Variants in SYTL2 observed in about 807,000 individuals in gnomAD.
SYTL2 encodes synaptotagmin-like protein 2.
Under a neutral mutation model 198.7 loss-of-function variants are expected in SYTL2, and 165 were observed. That is an observed-to-expected ratio of 0.83 (90% CI 0.73 to 0.94). The LOEUF is 0.94. SYTL2 is among the 40% of genes least tolerant of loss of function. SYTL2 has a pLI of 0.00. For missense variants in SYTL2, 2,835 were observed against 2,582.8 expected (o/e 1.10, Z -2.12); for synonymous variants, 966 against 917.7 (o/e 1.05, Z -0.95).
chr11:85,774,822 G>C (rs886198736), intron 1 of SYTL2, among the ~76,000 whole-genome samples: 10 of 152,148 alleles, frequency 6.6e-5, no homozygotes, highest in Admixed American at 5.2e-4. Flanking sequence ...ATGATCATTA[G>C]TACTTCATTA....
chr11:85,696,070 T>C (rs1309197662), intron 19 of SYTL2, 113 bp downstream of exon 19: 3 of 797,108 alleles, frequency 3.8e-6, no homozygotes, highest in Non-Finnish European at 6.2e-6. Context: ...TTAAGAGATA[T>C]CTGTTTTCAG....
chr11:85,743,869 T>C lies in SYTL2; in HGVS notation c.389+1768A>G, dbSNP rs1361150204. Among the ~76,000 whole-genome samples the C allele has an allele frequency of 5.9e-5, 9 of 151,998 alleles. No individual in the cohort carries two copies. The East Asian group carries it at 1.7e-3, about 29-fold the overall frequency. On this transcript the variant is annotated intron_variant, in intron 4 of 19. Transcript: ENST00000359152. ...TCTGATGCTCCCAAATCATCTCCTT[T>C]CCCCTTCTGTGGCACCTGCTCCCTC...
intron 4 of SYTL2, among the ~76,000 whole-genome samples, chr11:85,745,165 T>C (rs3862783): frequency 4.7e-4 from 72 of 152,222 alleles, no homozygotes; most frequent in African/African-American, 1.7e-3. Flanking sequence ...TTAAATGTCT[T>C]GCCCATAGTC....
rs781772428 is a variant in SYTL2 at position 85,698,021 on chromosome 11, A to ATACC, written c.6325_6326insGGTA (p.Leu2109ArgfsTer15). On this transcript the variant is annotated frameshift_variant, in exon 18 of 20. Coordinates refer to ENST00000359152, the MANE Select transcript of SYTL2 (RefSeq NM_206927.4). LOFTEE classifies it high-confidence loss of function. ...TAGATGACTTCCCCTTAGCAGTGGT[A>ATACC]GATCAAGGCATTCCTTCACCCAGAT... is the stretch of plus-strand genomic sequence containing the variant. 6.2e-7 allele frequency: 1 copy of ATACC among 1,613,864 alleles called. No individual in the cohort carries two copies. The highest frequency in any genetic ancestry group is 2.2e-5 in the East Asian group (1 of 44,872).
Position 85,744,627 on chromosome 11 carries a change from C to T in SYTL2, c.389+1010G>A, listed in dbSNP as rs183507056. Among the ~76,000 whole-genome samples the T allele has an allele frequency of 2.0e-5, 3 of 152,288 alleles. No homozygotes were observed. In the South Asian group the frequency reaches 6.2e-4, roughly 32 times the overall value. ...TACCTATTGGTACTTATATCATATACCCTCCCTGACACCTATAAACTATGC... is the reference window on the plus strand; with the variant it reads ...TACCTATTGGTACTTATATCATATATCCTCCCTGACACCTATAAACTATGC... On this transcript the variant is annotated intron_variant, in intron 4 of 19. Coordinates refer to ENST00000359152, the MANE Select transcript of SYTL2 (RefSeq NM_206927.4).
rs577210157 is a variant in SYTL2, at chr11:85,712,539, T to G, written c.5626-1307A>C. ...ATACCTAGTTCAACCCTATACCCCA[T>G]GCAAAATGATAGAGCTTAATTCTGG... is the stretch of plus-strand genomic sequence containing the variant. On this transcript the variant is annotated intron_variant, in intron 12 of 19. Coordinates refer to ENST00000359152, the MANE Select transcript of SYTL2 (RefSeq NM_206927.4). Among the ~76,000 whole-genome samples, 26 of 152,194 alleles carry G rather than the reference T, an allele frequency of 1.7e-4. No homozygotes were observed. In the South Asian group the frequency reaches 5.0e-3, roughly 29 times the overall value.
At chr11:85,787,850 T>C (rs533009806) in intron 1 of SYTL2, among the ~76,000 whole-genome samples, 1 of 152,160 alleles carries the variant, frequency 6.6e-6, no homozygotes, top group South Asian at 2.1e-4. Context: ...GGGCCTCTGT[T>C]TATTTTCTCT....
At chr11:85,850,451 A>G in the SYTL2 span, among the ~76,000 whole-genome samples, 1 of 151,906 alleles carries the variant, frequency 6.6e-6, no homozygotes, top group South Asian at 2.1e-4. Context: ...GCCATCAGAG[A>G]AATGCAAATC....
the SYTL2 span, among the ~76,000 whole-genome samples, chr11:85,852,078 C>T: frequency 1.3e-5 from 2 of 152,164 alleles, no homozygotes; most frequent in South Asian, 4.1e-4. Flanking sequence ...GAGAAAAACT[C>T]CTTTAACCAA....
chr11:85,757,971 G>C lies in SYTL2; in HGVS notation c.-246C>G. On this transcript the variant is annotated 5_prime_UTR_variant, in exon 2 of 20. Transcript: ENST00000359152. Reference sequence around the variant, plus strand: ...GTCGAGAAGAGGCTCTCAGAAGGATGCTGTATTCCTTGCCAAACAGGTCGC... The same window carrying C: ...GTCGAGAAGAGGCTCTCAGAAGGATCCTGTATTCCTTGCCAAACAGGTCGC... 2.2e-6 allele frequency: 1 copy of C among 459,806 alleles called. No individual in the cohort carries two copies. The highest frequency in any genetic ancestry group is 1.9e-5 in the African/African-American group (1 of 51,332). 28.5% of individuals were successfully genotyped at this position (459,806 alleles called of 1,614,324 possible).
In SYTL2 at chr11:85,760,592, A is replaced by G. The variant is rs574459878; in HGVS notation, c.-389-2478T>C. On this transcript the variant is annotated intron_variant, in intron 1 of 19. Coordinates refer to ENST00000359152, the MANE Select transcript of SYTL2 (RefSeq NM_206927.4). ...CCACATTCTGGGACCCAGGTTCCCA[A>G]TGAGGTCTTACACTGCCATTTGGTT... 4.7e-4 allele frequency among the ~76,000 whole-genome samples: 71 copies of G among 152,312 alleles called. 2 individuals carry two copies. Among genetic ancestry groups the G allele is most frequent in the African/African-American group, 1.5e-3 (63 of 41,582 alleles).
the SYTL2 span, chr11:85,853,169 A>G: frequency 1.1e-5 from 4 of 365,884 alleles, 1 homozygote; most frequent in South Asian, 7.7e-5. Flanking sequence ...CGTACCCAAC[A>G]GCTCATTGAG....
At chr11:85,700,934 T>G (rs1405172878) in intron 16 of SYTL2, among the ~76,000 whole-genome samples, 1 of 152,226 alleles carries the variant, frequency 6.6e-6, no homozygotes, top group Non-Finnish European at 1.5e-5. Flanking sequence ...TGTTAGCTAT[T>G]CAGCCAGCAT....
In SYTL2 at chr11:85,723,234, T is replaced by C. The variant is rs892097749; in HGVS notation, c.5326+798A>G. ...ACGCCCCCACGTTCATGTAGATGAA[T>C]GTGGAGATCGACTCAGGTCATCAAC... On this transcript the variant is annotated intron_variant, in intron 8 of 19. Transcript: ENST00000359152. Among the ~76,000 whole-genome samples the C allele has an allele frequency of 5.9e-5, 9 of 152,178 alleles. 1 individual carries two copies. Among genetic ancestry groups the C allele is most frequent in the African/African-American group, 2.2e-4 (9 of 41,428 alleles).
At chr11:85,832,118 G>A in the SYTL2 span, among the ~76,000 whole-genome samples, 2 of 152,058 alleles carry the variant, frequency 1.3e-5, no homozygotes, top group Non-Finnish European at 2.9e-5. Context: ...CAAAAAACTG[G>A]TTGGCACAAC....
In SYTL2 at chr11:85,698,900, G is replaced by C. The variant is rs77294543; in HGVS notation, c.6269-822C>G. The stretch of plus-strand genomic sequence containing the variant: ...ACATACGTAATAGTTAATATTATGG[G>C]CAGATAGTTACTAAGAAGTTGGCTT... On this transcript the variant is annotated intron_variant, in intron 17 of 19. Transcript: ENST00000359152. Among the ~76,000 whole-genome samples the C allele has an allele frequency of 2.6e-5, 4 of 152,312 alleles. No individual in the cohort carries two copies. In the South Asian group the frequency reaches 8.3e-4, roughly 32 times the overall value.
intron 18 of SYTL2, 56 bp downstream of exon 18, chr11:85,697,923 A>G: frequency 1.7e-6 from 2 of 1,174,952 alleles, no homozygotes; most frequent in Non-Finnish European, 2.5e-6. Flanking sequence ...AACCGAAACT[A>G]ACCAGCAAAG....
upstream of SYTL2, among the ~76,000 whole-genome samples, chr11:85,813,593 A>T (rs1437846778): frequency 6.6e-6 from 1 of 152,134 alleles, no homozygotes; most frequent in Non-Finnish European, 1.5e-5. Flanking sequence ...AAATGCACAG[A>T]CTTTGGTGTA....
At chr11:85,818,412 G>T in the SYTL2 span, among the ~76,000 whole-genome samples, 2 of 152,112 alleles carry the variant, frequency 1.3e-5, no homozygotes, top group Non-Finnish European at 2.9e-5. Context: ...GTTTGCTGTT[G>T]ATTCTCTTTC....
Sources: allele counts gnomAD v4.1 joint callset (sites outside exome capture counted in the v4.1 genomes callset), GRCh38; gene constraint gnomAD v4.1.1; transcripts MANE v1.5; gene names NCBI Gene and HGNC (gene_info 2026-07-23, HGNC 2026-07-21).